ROBO1: variants seen among roughly 807,000 people sequenced by gnomAD.
The protein encoded by ROBO1 is roundabout homolog 1.
Under a neutral mutation model 195.9 loss-of-function variants are expected in ROBO1, and 149 were observed. The ratio of observed to expected loss-of-function variants is 0.76; its 90% confidence interval spans 0.67 to 0.87. The LOEUF is 0.87. Among genes scored for constraint, ROBO1 ranks in the 40% least tolerant of loss-of-function variants. ROBO1 has a pLI of 0.00. For missense variants in ROBO1, 1,933 were observed against 2,068.3 expected (o/e 0.93, Z 1.27); for synonymous variants, 816 against 733.2 (o/e 1.11, Z -1.82).
intron 1 of ROBO1, among the ~76,000 whole-genome samples, chr3:79,620,060 A>T (rs58627906): frequency 1.1e-4 from 16 of 152,330 alleles, no homozygotes; most frequent in African/African-American, 3.4e-4. Context: ...AGGCATTCCT[A>T]CAGGAACTCC....
chr3:79,293,372 A>G (rs959724124), intron 2 of ROBO1, among the ~76,000 whole-genome samples: 2 of 152,094 alleles, frequency 1.3e-5, no homozygotes, highest in East Asian at 3.9e-4. Context: ...TTATATATCT[A>G]TCTTTTTCAG....
chr3:78,982,075 T>C (rs557083036), intron 3 of ROBO1, among the ~76,000 whole-genome samples: 16 of 152,264 alleles, frequency 1.1e-4, no homozygotes, highest in South Asian at 2.1e-4. Flanking sequence ...ACAACCTTTG[T>C]TCACAGGAAA....
intron 3 of ROBO1, among the ~76,000 whole-genome samples, chr3:78,940,045 CA>C (rs2040048966): frequency 6.6e-6 from 1 of 152,098 alleles, no homozygotes; most frequent in Admixed American, 6.6e-5. Context: ...TGCTTATATA[CA>C]GTAAATATGT....
rs766060025 is a variant in ROBO1 at position 78,600,291 on chromosome 3, C to T, written c.4763G>A (p.Cys1588Tyr). Reference protein sequence around the residue: ...HLIQEDILPYCRPTFPTSNNP... With the variant: ...HLIQEDILPYYRPTFPTSNNP... ...ATTTGATGTTGGAAAAGTAGGTCTA[C>T]AATAAGGTAGAATATCCTCTGTGTA... is the stretch of plus-strand genomic sequence containing the variant. The change falls in exon 30 of 31, where the codon TGT (cysteine) becomes TAT (tyrosine). Residue 1588 changes from cysteine (C) to tyrosine (Y), a missense_variant. Around this residue, in one of 3 missense-constraint regions of ROBO1, gnomAD observed 1,737 missense variants for 1,882.5 expected, o/e 0.92. Transcript: ENST00000464233. 2 of 1,609,118 alleles carry T rather than the reference C, an allele frequency of 1.2e-6. No individual in the cohort carries two copies. The highest frequency in any genetic ancestry group is 1.1e-5 in the South Asian group (1 of 90,960).
intron 2 of ROBO1, among the ~76,000 whole-genome samples, chr3:79,354,981 G>T (rs918097636): frequency 5.9e-5 from 9 of 152,166 alleles, no homozygotes; most frequent in Non-Finnish European, 1.2e-4. Context: ...TCCTGGCCAA[G>T]ATGGTGAAAC....
chr3:79,292,976 G>A (rs868846213), intron 2 of ROBO1, among the ~76,000 whole-genome samples: 3 of 152,162 alleles, frequency 2.0e-5, no homozygotes, highest in African/African-American at 7.2e-5. Flanking sequence ...TGTACCTCTG[G>A]TAGAATTTGG....
chr3:79,482,746 T>C (rs1938930425), intron 2 of ROBO1, among the ~76,000 whole-genome samples: 1 of 152,078 alleles, frequency 6.6e-6, no homozygotes. Context: ...AAAAAACAGA[T>C]CTTCTAAGGA....
intron 2 of ROBO1, among the ~76,000 whole-genome samples, chr3:79,516,841 A>T (rs1940966253): frequency 6.6e-6 from 1 of 152,208 alleles, no homozygotes; most frequent in African/African-American, 2.4e-5. Flanking sequence ...CTAGAAATGG[A>T]AATGATTGAC....
chr3:79,290,866 G>A (rs934617479), intron 2 of ROBO1, among the ~76,000 whole-genome samples: 2 of 151,930 alleles, frequency 1.3e-5, no homozygotes, highest in African/African-American at 4.8e-5. Context: ...CCCCTATGCT[G>A]TCATCTAATT....
intron 2 of ROBO1, among the ~76,000 whole-genome samples, chr3:79,387,139 A>T (rs2036780608): frequency 6.6e-6 from 1 of 152,146 alleles, no homozygotes; most frequent in Admixed American, 6.6e-5. Flanking sequence ...AGAACTTGGG[A>T]TTACCATATT....
At chr3:79,100,591 C>T (rs919953147) in intron 3 of ROBO1, among the ~76,000 whole-genome samples, 5 of 151,684 alleles carry the variant, frequency 3.3e-5, no homozygotes, top group Admixed American at 6.6e-5. Flanking sequence ...ATCCTATCAT[C>T]CTATCTAAAT....
chr3:78,731,564 T>C (rs2082287028), intron 5 of ROBO1, among the ~76,000 whole-genome samples: 1 of 152,114 alleles, frequency 6.6e-6, no homozygotes, highest in Non-Finnish European at 1.5e-5. Context: ...GAAAGTACAC[T>C]ATCAGAATTG....
chr3:79,283,122 T>C (rs1330730080), intron 2 of ROBO1, among the ~76,000 whole-genome samples: 1 of 152,220 alleles, frequency 6.6e-6, no homozygotes, highest in Non-Finnish European at 1.5e-5. Context: ...TTGTACCTAA[T>C]TAGCAAGTAC....
At chr3:78,762,148 C>A (rs2083120976) in intron 4 of ROBO1, among the ~76,000 whole-genome samples, 1 of 151,786 alleles carries the variant, frequency 6.6e-6, no homozygotes, top group South Asian at 2.1e-4. Context: ...CTAAATTTAC[C>A]TAAAGACAGA....
At chr3:79,161,609 A>G (rs2080967434) in intron 2 of ROBO1, among the ~76,000 whole-genome samples, 1 of 152,280 alleles carries the variant, frequency 6.6e-6, no homozygotes, top group Non-Finnish European at 1.5e-5. Context: ...CTATAGAAAA[A>G]GTTGATTATT....
At chr3:78,702,020 A>C (rs1360124757) in intron 8 of ROBO1, among the ~76,000 whole-genome samples, 1 of 152,232 alleles carries the variant, frequency 6.6e-6, no homozygotes, top group Non-Finnish European at 1.5e-5. Context: ...GGTATACTAC[A>C]CAGTGTGAAC....
chr3:79,622,194 C>A (rs182605455), intron 1 of ROBO1, among the ~76,000 whole-genome samples: 176 of 152,244 alleles, frequency 1.2e-3, no homozygotes, highest in African/African-American at 4.1e-3. Context: ...TGGAACTGTG[C>A]AAACCATGGA....
chr3:78,637,024 T>A (rs1410301620), intron 22 of ROBO1, among the ~76,000 whole-genome samples: 1 of 146,534 alleles, frequency 6.8e-6, no homozygotes, highest in Non-Finnish European at 1.5e-5. Context: ...ATCATATTTT[T>A]AAATTAAAAT....
intron 4 of ROBO1, among the ~76,000 whole-genome samples, chr3:78,802,044 A>G (rs2084387340): frequency 6.6e-6 from 1 of 152,128 alleles, no homozygotes; most frequent in African/African-American, 2.4e-5. Context: ...CCTTCCAAAG[A>G]GAAAGCAGCT....
Sources: gnomAD v4.1 joint callset for allele counts (sites outside exome capture counted in the v4.1 genomes callset) on GRCh38, gnomAD v4.1.1 for gene constraint, gnomAD v4.1.1 regional missense constraint, MANE v1.5 for transcripts, NCBI Gene and HGNC (gene_info 2026-07-23, HGNC 2026-07-21) for gene names.